The following PCDHA6 variants were observed in gnomAD, a reference collection of about 807,000 sequenced individuals.
The protein encoded by PCDHA6 is protocadherin alpha 6, also known as protocadherin alpha-6.
Under a neutral mutation model 60.3 loss-of-function variants are expected in PCDHA6, and 55 were observed. The observed-to-expected ratio is 0.91, with a 90% CI of 0.73 to 1.14. PCDHA6 has a LOEUF of 1.14. Among genes scored for constraint, PCDHA6 ranks in the 50% most tolerant of loss-of-function variants. The probability of loss-of-function intolerance (pLI) is 0.00; values close to 1 mark genes in which losing one functional copy is unlikely to be tolerated. For synonymous variants in PCDHA6, 652 were observed against 557.9 expected (o/e 1.17, Z -2.38); for missense variants, 1,327 against 1,256.5 (o/e 1.06, Z -0.85).
Position 140,876,248 on chromosome 5 carries a change from CAA to C in PCDHA6, c.2394+45764_2394+45765del, listed in dbSNP as rs782415667. On this transcript the variant is annotated intron_variant, in intron 1 of 3. Transcript: ENST00000529310. ...TTGTCTGAAAATGTCCAAAACGACA[CAA>C]GAGTGATCCAACTAAATGCTTCCGA... 1.9e-6 allele frequency: 3 copies of C among 1,613,868 alleles called. No homozygotes were observed. In the East Asian group the frequency reaches 6.7e-5, roughly 36 times the overall value.
At chr5:141,009,001 A>G (rs1373262105) in intron 3 of PCDHA6, among the ~76,000 whole-genome samples, 1 of 152,246 alleles carries the variant, frequency 6.6e-6, no homozygotes, top group East Asian at 1.9e-4. Flanking sequence ...TAAAAGGAGC[A>G]TATTTTGCCT....
At chr5:140,926,584 C>T in intron 1 of PCDHA6, 1 of 285,400 alleles carries the variant, frequency 3.5e-6, no homozygotes, top group Non-Finnish European at 6.4e-6. Context: ...GCACCTCTCG[C>T]GCCCGGGCGG....
intron 1 of PCDHA6, chr5:140,876,222 G>T (rs923525457): frequency 6.2e-7 from 1 of 1,613,972 alleles, no homozygotes; most frequent in Non-Finnish European, 8.5e-7. Flanking sequence ...ATAAAGTAGT[G>T]TTGTCTGAAA....
intron 1 of PCDHA6, chr5:140,876,814 G>A (rs571648883): frequency 1.1e-5 from 18 of 1,614,108 alleles, no homozygotes; most frequent in Non-Finnish European, 1.5e-5. Context: ...GGTGGCCGAC[G>A]TGAACGACAA....
At chr5:140,932,113 T>G (rs2088043197) in intron 1 of PCDHA6, among the ~76,000 whole-genome samples, 1 of 151,918 alleles carries the variant, frequency 6.6e-6, no homozygotes, top group South Asian at 2.1e-4. Flanking sequence ...TATTTCCAAT[T>G]GATAATATTT....
chr5:140,849,320 G>C, intron 1 of PCDHA6: 10 of 1,335,992 alleles, frequency 7.5e-6, no homozygotes, highest in Non-Finnish European at 1.0e-5. Flanking sequence ...GCTTGAATGG[G>C]GATATTATTT....
intron 1 of PCDHA6, chr5:140,882,370 C>T: frequency 6.2e-7 from 1 of 1,614,220 alleles, no homozygotes; most frequent in Non-Finnish European, 8.5e-7. Context: ...TCCACTACTC[C>T]GTCCCCGAGG....
chr5:140,905,864 A>C (rs265313), intron 1 of PCDHA6, among the ~76,000 whole-genome samples: 7,097 of 152,260 alleles, frequency 0.047, 295 homozygotes, highest in African/African-American at 0.11. Context: ...AACTCACACA[A>C]TCACAAGGCC....
chr5:140,871,027 C>T (rs1554164992), intron 1 of PCDHA6: 1 of 1,613,114 alleles, frequency 6.2e-7, no homozygotes, highest in African/African-American at 1.3e-5. Context: ...GGCAGACTCG[C>T]CGCGCCACCG....
intron 1 of PCDHA6, chr5:140,870,562 G>A: frequency 6.2e-7 from 1 of 1,613,996 alleles, no homozygotes; most frequent in Non-Finnish European, 8.5e-7. Context: ...GCAGGAGAAC[G>A]CGCTGGTGTC....
intron 1 of PCDHA6, among the ~76,000 whole-genome samples, chr5:140,902,351 A>C (rs1554190404): frequency 1.3e-5 from 2 of 151,346 alleles, no homozygotes; most frequent in African/African-American, 4.9e-5. Context: ...GAAGCCCTTT[A>C]TTTCTTTCTC....
Position 140,829,592 on chromosome 5 carries a change from G to C in PCDHA6, c.1501G>C (p.Glu501Gln). ...CTCGCTGGTGGAGCGGCGGGTGGGC[G>C]AGCGCGCGTTGTCGAGCTACATTTC... The part of the protein sequence containing the change: ...SYSLVERRVG[E>Q]RALSSYISVH... Residue 501 changes from glutamate to glutamine, a missense_variant, in exon 1 of 4, where the codon GAG (glutamate) becomes CAG (glutamine). Physicochemically the swap from Glu to Gln is conservative, Grantham distance 29 (BLOSUM62 2). Transcript: ENST00000529310. The C allele has an allele frequency of 6.2e-7, 1 of 1,612,022 alleles. No individual in the cohort carries two copies. The highest frequency in any genetic ancestry group is 1.1e-5 in the South Asian group (1 of 90,996).
chr5:140,947,402 T>C (rs550043631), intron 1 of PCDHA6, among the ~76,000 whole-genome samples: 1 of 151,868 alleles, frequency 6.6e-6, no homozygotes, highest in East Asian at 1.9e-4. Context: ...AAGTAGACTG[T>C]CTTGATATTG....
chr5:140,847,230 A>G (rs1780911631), intron 1 of PCDHA6, among the ~76,000 whole-genome samples: 1 of 149,868 alleles, frequency 6.7e-6, no homozygotes, highest in Admixed American at 6.7e-5. Flanking sequence ...GAGCTATTTA[A>G]CTACCTTGAG....
intron 1 of PCDHA6, among the ~76,000 whole-genome samples, chr5:140,933,901 C>T (rs1218971055): frequency 4.0e-5 from 6 of 151,882 alleles, no homozygotes; most frequent in African/African-American, 1.2e-4. Context: ...AATATTTTGG[C>T]ATAAAGTTGT....
Position 140,828,394 on chromosome 5 carries a change from G to A in PCDHA6, c.303G>A (p.Glu101=). The part of the protein sequence containing the change: ...DREELCGRSA[E]CSIHLEVIVD... The stretch of plus-strand genomic sequence containing the variant: ...AGGAGCTGTGCGGGCGGAGCGCGGA[G>A]TGCAGCATCCACCTGGAGGTGATCG... Residue 101 remains glutamate (E), a synonymous_variant, in exon 1 of 4, where the codon GAG becomes GAA. Coordinates refer to ENST00000529310, the MANE Select transcript of PCDHA6 (RefSeq NM_018909.4). The A allele has an allele frequency of 6.2e-7, 1 of 1,614,292 alleles. No individual in the cohort carries two copies. Among genetic ancestry groups the A allele is most frequent in the East Asian group, 2.2e-5 (1 of 44,894 alleles).
chr5:140,973,586 C>A (rs1207651483), intron 1 of PCDHA6, among the ~76,000 whole-genome samples: 1 of 152,176 alleles, frequency 6.6e-6, no homozygotes, highest in Non-Finnish European at 1.5e-5. Flanking sequence ...GACTGCTGAG[C>A]CAGATGGAAT....
Position 140,879,336 on chromosome 5 carries a change from AG to A in PCDHA6, c.2394+48852del, listed in dbSNP as rs1391403992. Among the ~76,000 whole-genome samples, 16 of 152,362 alleles carry A rather than the reference AG, an allele frequency of 1.1e-4. No individual in the cohort carries two copies. In the East Asian group the frequency reaches 2.9e-3, roughly 28 times the overall value. ...TGACTCTCACTTTTTTAGTTTGTTC[AG>A]CTGAGAAGATGACATTGCCATTAAC... On this transcript the variant is annotated intron_variant, in intron 1 of 3. Transcript: ENST00000529310.
chr5:140,959,592 G>A (rs2095498598), intron 1 of PCDHA6, among the ~76,000 whole-genome samples: 2 of 152,162 alleles, frequency 1.3e-5, no homozygotes, highest in South Asian at 4.1e-4. Flanking sequence ...TATCAGCCAA[G>A]TATAACATGC....
Sources: allele counts gnomAD v4.1 joint callset (sites outside exome capture counted in the v4.1 genomes callset), GRCh38; gene constraint gnomAD v4.1.1; transcripts MANE v1.5; gene names NCBI Gene and HGNC (gene_info 2026-07-23, HGNC 2026-07-21).